Variants in SORCS3 observed in about 807,000 individuals in gnomAD.
The protein encoded by SORCS3 is VPS10 domain-containing receptor SorCS3.
In SORCS3, 57 loss-of-function variants were observed where a neutral mutation model predicts 146.3. That is an observed-to-expected ratio of 0.39 (90% confidence interval 0.31 to 0.49). SORCS3 has a LOEUF of 0.49. SORCS3 is among the 20% of genes least tolerant of loss of function. SORCS3 has a pLI of 0.92. For synonymous variants in SORCS3, 653 were observed against 618.5 expected (o/e 1.06, Z -0.83); for missense variants, 1,341 against 1,575.5 (o/e 0.85, Z 2.52).
chr10:104,693,630 A>T (rs571177607), intron 1 of SORCS3, among the ~76,000 whole-genome samples: 33 of 152,094 alleles, frequency 2.2e-4, no homozygotes, highest in Admixed American at 7.2e-4. Context: ...TCCTTGTCTC[A>T]TCTAATCTTC....
intron 7 of SORCS3, among the ~76,000 whole-genome samples, chr10:105,123,386 T>A (rs1028175054): frequency 2.0e-5 from 3 of 152,226 alleles, no homozygotes; most frequent in Non-Finnish European, 4.4e-5. Flanking sequence ...CTCAGTTCAT[T>A]TTTCCAATGT....
intron 1 of SORCS3, chr10:104,665,824 C>CA (rs2015768527): frequency 1.3e-5 from 2 of 152,114 alleles, no homozygotes; most frequent in Admixed American, 1.3e-4. Context: ...CATATGGGGC[C>CA]AAAATCACAA....
chr10:104,967,693 G>A (rs1458420675), intron 3 of SORCS3, among the ~76,000 whole-genome samples: 1 of 152,036 alleles, frequency 6.6e-6, no homozygotes, highest in Non-Finnish European at 1.5e-5. Context: ...TTTGGTTGGG[G>A]GGATGGGGTC....
At chr10:104,758,202 C>A (rs2077636) in intron 1 of SORCS3, among the ~76,000 whole-genome samples, 1 of 129,490 alleles carries the variant, frequency 7.7e-6, no homozygotes, top group Admixed American at 7.9e-5. Context: ...TATATTGAGG[C>A]CTAATTAGGC....
chr10:104,860,659 C>T (rs1431790986), intron 2 of SORCS3, among the ~76,000 whole-genome samples: 5 of 152,068 alleles, frequency 3.3e-5, no homozygotes, highest in African/African-American at 4.8e-5. Context: ...TACCATGTGC[C>T]GGACAATGAT....
chr10:104,845,575 C>T (rs1266196295), intron 2 of SORCS3, among the ~76,000 whole-genome samples: 6 of 152,022 alleles, frequency 3.9e-5, no homozygotes, highest in South Asian at 2.1e-4. Context: ...TTTAAGGATT[C>T]CTTGCTGCAG....
At chr10:104,696,369 A>G (rs1189574176) in intron 1 of SORCS3, among the ~76,000 whole-genome samples, 3 of 78,618 alleles carry the variant, frequency 3.8e-5, no homozygotes, top group African/African-American at 1.6e-4. Context: ...TATCATATAT[A>G]GTATATAATA....
chr10:105,049,316 C>G (rs1338238730), intron 5 of SORCS3, among the ~76,000 whole-genome samples: 2 of 152,082 alleles, frequency 1.3e-5, no homozygotes, highest in Non-Finnish European at 2.9e-5. Context: ...CCTCTCCTTC[C>G]CTTTCATGGA....
intron 3 of SORCS3, among the ~76,000 whole-genome samples, chr10:104,927,571 T>G (rs2019160830): frequency 6.6e-6 from 1 of 152,054 alleles, no homozygotes; most frequent in South Asian, 2.1e-4. Flanking sequence ...TTTTACACTT[T>G]GAAAGCCTTT....
intron 13 of SORCS3, among the ~76,000 whole-genome samples, chr10:105,176,338 G>A (rs2056401371): frequency 6.6e-6 from 1 of 151,738 alleles, no homozygotes; most frequent in Non-Finnish European, 1.5e-5. Context: ...GCAGCCAGGA[G>A]GTTGAGACCA....
intron 22 of SORCS3, among the ~76,000 whole-genome samples, chr10:105,248,789 A>G (rs895364942): frequency 6.6e-6 from 1 of 152,068 alleles, no homozygotes; most frequent in African/African-American, 2.4e-5. Context: ...TGTAGGTTAT[A>G]AGGGCAAGTG....
rs1404648897 is a variant in SORCS3 at position 104,695,833 on chromosome 10, A to G, written c.627+53879A>G. Reference sequence around the variant, plus strand: ...AATACTCCATTAAATAGCTGCACTAAAATTTATTTAAAATGACCACCATTG... The same window carrying G: ...AATACTCCATTAAATAGCTGCACTAGAATTTATTTAAAATGACCACCATTG... On this transcript the variant is annotated intron_variant, in intron 1 of 26. Transcript: ENST00000369701. Among the ~76,000 whole-genome samples, 38 of 151,054 alleles carry G rather than the reference A, an allele frequency of 2.5e-4. No homozygotes were observed. In the Admixed American group the frequency reaches 2.5e-3, roughly 10 times the overall value.
At chr10:104,732,383 C>T (rs1336462833) in intron 1 of SORCS3, among the ~76,000 whole-genome samples, 7 of 152,144 alleles carry the variant, frequency 4.6e-5, no homozygotes, top group East Asian at 3.8e-4. Context: ...TCTTTGAACA[C>T]GATGTTCCTA....
chr10:105,048,731 A>C (rs2133708898), intron 5 of SORCS3, among the ~76,000 whole-genome samples: 1 of 152,142 alleles, frequency 6.6e-6, no homozygotes, highest in South Asian at 2.1e-4. Context: ...GACAGACTAA[A>C]AACCGTTTCA....
intron 4 of SORCS3, among the ~76,000 whole-genome samples, chr10:105,006,931 C>T (rs941701123): frequency 8.5e-5 from 13 of 152,134 alleles, no homozygotes; most frequent in African/African-American, 2.9e-4. Context: ...CTGTTACTCC[C>T]AGTAGAATTA....
intron 16 of SORCS3, among the ~76,000 whole-genome samples, chr10:105,205,752 A>G (rs887815201): frequency 3.9e-5 from 6 of 152,196 alleles, no homozygotes; most frequent in African/African-American, 1.4e-4. Context: ...AGCCCCTACT[A>G]TGTAAGCAGA....
chr10:105,029,183 T>G (rs758098607), intron 4 of SORCS3, among the ~76,000 whole-genome samples: 43 of 152,152 alleles, frequency 2.8e-4, no homozygotes, highest in Admixed American at 4.6e-4. Context: ...TTTTCTGGGG[T>G]GGGGCCTAGG....
chr10:104,839,466 T>C (rs944261610), intron 1 of SORCS3, among the ~76,000 whole-genome samples: 1 of 152,184 alleles, frequency 6.6e-6, no homozygotes, highest in Non-Finnish European at 1.5e-5. Context: ...TGTGAGGATG[T>C]GTTTGTCTTA....
At chr10:105,229,624 G>GAATCAGT (rs1294639551) in intron 20 of SORCS3, among the ~76,000 whole-genome samples, 3 of 152,188 alleles carry the variant, frequency 2.0e-5, no homozygotes, top group Non-Finnish European at 2.9e-5. Flanking sequence ...GCCTTAAATA[G>GAATCAGT]AATCAGTGGC....
Sources: allele counts gnomAD v4.1 joint callset (sites outside exome capture counted in the v4.1 genomes callset), GRCh38; gene constraint gnomAD v4.1.1; transcripts MANE v1.5; gene names NCBI Gene and HGNC (gene_info 2026-07-23, HGNC 2026-07-21).